KLHL1: variants seen among roughly 807,000 people sequenced by gnomAD.
The protein encoded by KLHL1 is kelch-like protein 1.
Under a neutral mutation model 77.7 loss-of-function variants are expected in KLHL1, and 47 were observed. The observed-to-expected ratio is 0.60, with a 90% CI of 0.48 to 0.77. The LOEUF is 0.77. Ranked by LOEUF, KLHL1 falls within the 30% of genes least tolerant of loss-of-function variation. KLHL1 has a pLI of 0.00. For synonymous variants in KLHL1, 360 were observed against 325.2 expected (o/e 1.11, Z -1.15); for missense variants, 925 against 910.8 (o/e 1.02, Z -0.20).
At chr13:69,802,808 C>T (rs7987564) in intron 6 of KLHL1, 232 of 152,190 alleles carry the variant, frequency 1.5e-3, no homozygotes, top group African/African-American at 4.6e-3. Flanking sequence ...GGAGTCTTGC[C>T]GATGCTCCCG....
At chr13:69,841,203 AAGTCTT>A (rs540657447) in intron 5 of KLHL1, among the ~76,000 whole-genome samples, 62 of 151,334 alleles carry the variant, frequency 4.1e-4, no homozygotes, top group African/African-American at 1.4e-3. Context: ...ATAGTATTGG[AAGTCTT>A]AGTCAGAACA....
chr13:69,988,437 G>T (rs1199643923), intron 1 of KLHL1, among the ~76,000 whole-genome samples: 5 of 152,022 alleles, frequency 3.3e-5, no homozygotes, highest in Non-Finnish European at 7.4e-5. Flanking sequence ...GCATACATGT[G>T]TCTTTATGGT....
chr13:70,018,656 T>C (rs1279164170), intron 1 of KLHL1, among the ~76,000 whole-genome samples: 1 of 151,274 alleles, frequency 6.6e-6, no homozygotes, highest in Non-Finnish European at 1.5e-5. Context: ...AACGTGGAGT[T>C]AAAGGCACAT....
intron 5 of KLHL1, among the ~76,000 whole-genome samples, chr13:69,860,498 T>G (rs986680431): frequency 1.3e-5 from 2 of 152,002 alleles, no homozygotes; most frequent in African/African-American, 4.8e-5. Context: ...ATGAATAAGT[T>G]GAAGGGAATG....
At chr13:69,982,729 C>T (rs1884746625) in intron 1 of KLHL1, among the ~76,000 whole-genome samples, 1 of 151,560 alleles carries the variant, frequency 6.6e-6, no homozygotes, top group Admixed American at 6.6e-5. Context: ...AAGAACACTA[C>T]CAACTATAAT....
intron 1 of KLHL1, among the ~76,000 whole-genome samples, chr13:70,009,547 C>A (rs9572333): frequency 6.6e-6 from 1 of 151,890 alleles, no homozygotes; most frequent in African/African-American, 2.4e-5. Flanking sequence ...ATTCTACTAC[C>A]TTCCAGCGAT....
chr13:70,002,265 G>A (rs1885311137), intron 1 of KLHL1, among the ~76,000 whole-genome samples: 1 of 151,558 alleles, frequency 6.6e-6, no homozygotes, highest in Non-Finnish European at 1.5e-5. Flanking sequence ...TGGTCCGCAT[G>A]TTTGAACAGC....
chr13:70,093,276 G>A (rs954762848), intron 1 of KLHL1, among the ~76,000 whole-genome samples: 3 of 152,130 alleles, frequency 2.0e-5, no homozygotes, highest in Non-Finnish European at 2.9e-5. Context: ...TCATAGTGGA[G>A]TGGACTTTGT....
intron 4 of KLHL1, among the ~76,000 whole-genome samples, chr13:69,895,501 T>C (rs1443623691): frequency 6.6e-6 from 1 of 152,124 alleles, no homozygotes; most frequent in African/African-American, 2.4e-5. Context: ...ATTTGTATAT[T>C]AGTTTCCTAT....
intron 7 of KLHL1, among the ~76,000 whole-genome samples, chr13:69,790,603 C>T (rs1319498627): frequency 6.6e-6 from 1 of 152,072 alleles, no homozygotes; most frequent in Admixed American, 6.5e-5. Flanking sequence ...TACACTGTGA[C>T]TAAGTGTAAT....
At chr13:69,753,776 C>T (rs1037852355) in intron 7 of KLHL1, among the ~76,000 whole-genome samples, 11 of 151,946 alleles carry the variant, frequency 7.2e-5, no homozygotes, top group Admixed American at 5.3e-4. Flanking sequence ...CACAGGATTC[C>T]GTGTATACCA....
chr13:69,908,513 T>G (rs901044998), intron 4 of KLHL1, among the ~76,000 whole-genome samples: 1 of 148,404 alleles, frequency 6.7e-6, no homozygotes, highest in African/African-American at 2.5e-5. Flanking sequence ...ACTGCCTAAA[T>G]CTAGTATGCA....
In KLHL1 at chr13:69,882,504, AG is replaced by A; in HGVS notation, c.1015-10del. The A allele has an allele frequency of 6.3e-7, 1 of 1,590,724 alleles. No homozygotes were observed. The highest frequency in any genetic ancestry group is 2.2e-5 in the East Asian group (1 of 44,740). Reference sequence around the variant, plus strand: ...ACTTCCATTATGTTTTCCTGCAGGGAGAAAATATCTTGGCATAAATTCTGTT... The same window carrying A: ...ACTTCCATTATGTTTTCCTGCAGGGAAAAATATCTTGGCATAAATTCTGTT... On this transcript the variant is annotated splice_polypyrimidine_tract_variant and intron_variant, in intron 4 of 10. Transcript: ENST00000377844.
intron 5 of KLHL1, among the ~76,000 whole-genome samples, chr13:69,848,005 T>C (rs2161759): frequency 0.93 from 141,611 of 151,528 alleles, 66,399 homozygotes; most frequent in East Asian, 0.99. Flanking sequence ...ACAATGATCA[T>C]ATTCAGTGCT....
intron 1 of KLHL1, among the ~76,000 whole-genome samples, chr13:70,032,834 T>A (rs1044636346): frequency 1.3e-5 from 2 of 152,204 alleles, no homozygotes; most frequent in Non-Finnish European, 2.9e-5. Flanking sequence ...AAATTTTAGA[T>A]CTTTTTAAGG....
At chr13:69,924,653 T>C (rs1321795531) in intron 4 of KLHL1, among the ~76,000 whole-genome samples, 3 of 152,124 alleles carry the variant, frequency 2.0e-5, no homozygotes, top group African/African-American at 7.2e-5. Context: ...CACCAAATGG[T>C]GGGGCTGAAA....
chr13:69,723,070 G>A (rs538410135), intron 8 of KLHL1, among the ~76,000 whole-genome samples: 6 of 152,066 alleles, frequency 3.9e-5, no homozygotes, highest in African/African-American at 1.4e-4. Flanking sequence ...AATAAGCCAG[G>A]CACAGAAAGA....
rs777822269 is a variant in KLHL1 at position 69,975,686 on chromosome 13, T to C, written c.614A>G (p.Tyr205Cys). 3.7e-6 allele frequency: 6 copies of C among 1,613,734 alleles called. No individual in the cohort carries two copies. The South Asian group carries it at 5.5e-5, about 15-fold the overall frequency. ...AEQTFRKMES[Y>C]LKQQQLCDVI... Reference sequence around the variant, plus strand: ...ATCACAAAGTTGCTGCTGCTTCAAATAACTTTCCATCTTTCTGAAGGTTTG... The same window carrying C: ...ATCACAAAGTTGCTGCTGCTTCAAACAACTTTCCATCTTTCTGAAGGTTTG... Residue 205 changes from tyrosine to cysteine, a missense_variant, in exon 2 of 11, where the codon TAT becomes TGT. Tyr to Cys is a radical substitution (Grantham distance 194). Coordinates refer to ENST00000377844, the MANE Select transcript of KLHL1 (RefSeq NM_020866.3).
intron 4 of KLHL1, among the ~76,000 whole-genome samples, chr13:69,929,552 T>C (rs1189101805): frequency 3.9e-5 from 6 of 151,926 alleles, no homozygotes; most frequent in African/African-American, 1.2e-4. Flanking sequence ...GGATTACTTA[T>C]GCCAAGATTT....
Sources: gnomAD v4.1 joint callset for allele counts (sites outside exome capture counted in the v4.1 genomes callset) on GRCh38, gnomAD v4.1.1 for gene constraint, MANE v1.5 for transcripts, NCBI Gene and HGNC (gene_info 2026-07-23, HGNC 2026-07-21) for gene names.